SORCS2: variants seen among roughly 807,000 people sequenced by gnomAD.
SORCS2 encodes the protein VPS10 domain-containing receptor SorCS2.
In SORCS2, 100 loss-of-function variants were observed where a neutral mutation model predicts 141.6. That is an observed-to-expected ratio of 0.71 (90% CI 0.60 to 0.83). The LOEUF (loss-of-function observed/expected upper bound fraction) is 0.83. Among genes scored for constraint, SORCS2 ranks in the 40% least tolerant of loss-of-function variants. The probability of loss-of-function intolerance (pLI) is 0.00; values close to 1 mark genes in which losing one functional copy is unlikely to be tolerated. For missense variants in SORCS2, 1,646 were observed against 1,560.2 expected (o/e 1.05, Z -0.93); for synonymous variants, 789 against 676.9 (o/e 1.17, Z -2.57).
chr4:7,506,992 A>T (rs1732311928), intron 2 of SORCS2, among the ~76,000 whole-genome samples: 1 of 152,194 alleles, frequency 6.6e-6, no homozygotes, highest in Non-Finnish European at 1.5e-5. Flanking sequence ...GAGCCAGTAA[A>T]TGAGCCAGCA....
At chr4:7,624,336 C>T (rs950371545) in intron 3 of SORCS2, among the ~76,000 whole-genome samples, 1 of 152,202 alleles carries the variant, frequency 6.6e-6, no homozygotes, top group Non-Finnish European at 1.5e-5. Context: ...ATGACCATGA[C>T]CTTGGCCATT....
chr4:7,517,896 A>G (rs147980048), intron 2 of SORCS2, among the ~76,000 whole-genome samples: 1 of 152,242 alleles, frequency 6.6e-6, no homozygotes. Flanking sequence ...CTCTGTTTGC[A>G]GAACAGATTT....
At chr4:7,735,600 G>T (rs1047096992) in intron 25 of SORCS2, among the ~76,000 whole-genome samples, 24 of 152,202 alleles carry the variant, frequency 1.6e-4, no homozygotes, top group African/African-American at 3.4e-4. Context: ...CCTGAAGGAT[G>T]AATAGGAGTC....
intron 1 of SORCS2, among the ~76,000 whole-genome samples, chr4:7,295,465 T>C (rs1409232925): frequency 6.6e-6 from 1 of 151,216 alleles, no homozygotes; most frequent in Non-Finnish European, 1.5e-5. Context: ...GGCAATAGGG[T>C]GGGGAGATGG....
intron 1 of SORCS2, among the ~76,000 whole-genome samples, chr4:7,255,873 C>G (rs1222165067): frequency 5.1e-4 from 23 of 45,016 alleles, no homozygotes; most frequent in African/African-American, 1.2e-3. Context: ...AGCGTGGGGC[C>G]CCGGGGCTGG....
At chr4:7,445,933 C>T (rs1050455906) in intron 2 of SORCS2, among the ~76,000 whole-genome samples, 2 of 152,290 alleles carry the variant, frequency 1.3e-5, no homozygotes, top group South Asian at 2.1e-4. Flanking sequence ...TGCCCAGGCC[C>T]ACCCCTCACA....
At chr4:7,386,592 T>A (rs1723351032) in intron 1 of SORCS2, among the ~76,000 whole-genome samples, 1 of 110,552 alleles carries the variant, frequency 9.0e-6, no homozygotes, top group Non-Finnish European at 1.9e-5. Context: ...ACATACACAT[T>A]TGCACACACG....
At chr4:7,486,577 G>A (rs1007396011) in intron 2 of SORCS2, among the ~76,000 whole-genome samples, 1 of 152,198 alleles carries the variant, frequency 6.6e-6, no homozygotes, top group African/African-American at 2.4e-5. Context: ...AGCTTCCCGG[G>A]GCTGCCAGAA....
At chr4:7,349,422 G>A (rs1358048829) in intron 1 of SORCS2, among the ~76,000 whole-genome samples, 1 of 152,190 alleles carries the variant, frequency 6.6e-6, no homozygotes, top group Non-Finnish European at 1.5e-5. Context: ...GGCCAGTGGG[G>A]TGGGTGTGGG....
chr4:7,285,058 G>A (rs1374533292), intron 1 of SORCS2, among the ~76,000 whole-genome samples: 1 of 149,216 alleles, frequency 6.7e-6, no homozygotes, highest in Non-Finnish European at 1.5e-5. Context: ...TTGAGATGGA[G>A]TTTCACTCTT....
At chr4:7,602,189 C>G (rs1341050246) in intron 3 of SORCS2, among the ~76,000 whole-genome samples, 1 of 152,232 alleles carries the variant, frequency 6.6e-6, no homozygotes, top group Non-Finnish European at 1.5e-5. Context: ...CTGGGTACAC[C>G]TCCCAGACGG....
intron 12 of SORCS2, among the ~76,000 whole-genome samples, chr4:7,699,686 G>A (rs1210545529): frequency 6.6e-6 from 1 of 152,176 alleles, no homozygotes; most frequent in African/African-American, 2.4e-5. Context: ...CTCGGGCATG[G>A]CAGGTGGGCT....
intron 2 of SORCS2, among the ~76,000 whole-genome samples, chr4:7,418,104 C>T (rs531701460): frequency 3.5e-4 from 53 of 152,292 alleles, no homozygotes; most frequent in African/African-American, 1.2e-3. Context: ...CTCCTCCTCA[C>T]CACACCCACC....
At chr4:7,657,216 A>C (rs114273942) in intron 5 of SORCS2, among the ~76,000 whole-genome samples, 1,656 of 152,372 alleles carry the variant, frequency 0.011, 37 homozygotes, top group African/African-American at 0.037. Context: ...GACTAAAGGA[A>C]CAAACGTGGT....
At chr4:7,340,911 C>T (rs1720332850) in intron 1 of SORCS2, among the ~76,000 whole-genome samples, 1 of 152,202 alleles carries the variant, frequency 6.6e-6, no homozygotes, top group Non-Finnish European at 1.5e-5. Context: ...AGAAATTGCT[C>T]CTCCCTCATC....
At chr4:7,643,694 C>T (rs1006279579) in intron 4 of SORCS2, among the ~76,000 whole-genome samples, 2 of 152,170 alleles carry the variant, frequency 1.3e-5, no homozygotes, top group Non-Finnish European at 2.9e-5. Flanking sequence ...CTCACAGTCC[C>T]CCAGCCTTAA....
rs576833965 is a variant in SORCS2, at chr4:7,721,779, A to G, written c.2425-1918A>G. Among the ~76,000 whole-genome samples, 123 of 152,280 alleles carry G rather than the reference A, an allele frequency of 8.1e-4. 1 individual carries two copies. The highest frequency in any genetic ancestry group is 2.9e-3 in the African/African-American group (122 of 41,556). On this transcript the variant is annotated intron_variant, in intron 18 of 26. Transcript: ENST00000507866. ...GTGTTAACCTCCTAGTCGTGATACT[A>G]TCATTTGGCAAGATGTTAGCCTTGG...
intron 3 of SORCS2, among the ~76,000 whole-genome samples, chr4:7,534,861 A>C (rs1240861527): frequency 3.3e-5 from 5 of 152,316 alleles, no homozygotes; most frequent in Admixed American, 3.3e-4. Context: ...CACGGAGTGC[A>C]TGGTGATTTG....
chr4:7,737,637 A>G (rs948419500), intron 26 of SORCS2, among the ~76,000 whole-genome samples: 5 of 152,278 alleles, frequency 3.3e-5, no homozygotes, highest in Admixed American at 6.5e-5. Context: ...ACAGTTTATG[A>G]AGCATTTCCA....
Sources: allele counts gnomAD v4.1 joint callset (sites outside exome capture counted in the v4.1 genomes callset), GRCh38; gene constraint gnomAD v4.1.1; transcripts MANE v1.5; gene names NCBI Gene and HGNC (gene_info 2026-07-23, HGNC 2026-07-21).